The following GDPD1 variants were observed in gnomAD, a reference collection of about 807,000 sequenced individuals.
GDPD1 encodes glycerophosphodiester phosphodiesterase domain containing 1, also known as lysophospholipase D GDPD1.
GDPD1 carries 28 observed loss-of-function variants against 45.1 expected under a neutral mutation model. The ratio of observed to expected loss-of-function variants is 0.62; its 90% CI spans 0.46 to 0.85. The LOEUF is 0.85. Ranked by LOEUF, GDPD1 falls within the 40% of genes least tolerant of loss-of-function variation. The pLI, the probability that GDPD1 is intolerant of heterozygous loss-of-function variation, is 0.00. For missense variants in GDPD1, 256 were observed against 364.8 expected, an observed-to-expected ratio of 0.70 and a Z score of 2.43; for synonymous variants, 139 against 131.4, an observed-to-expected ratio of 1.06 and a Z score of -0.40.
chr17:59,234,403 G>T, intron 1 of GDPD1, 89 bp from the exon 2 acceptor site: 2 of 778,746 alleles, frequency 2.6e-6, no homozygotes, highest in South Asian at 1.7e-5. Flanking sequence ...AAAAAAAAAG[G>T]TCAAGATTCA....
At chr17:59,257,048 T>C in intron 4 of GDPD1, 74 bp from the exon 5 acceptor site, 1 of 708,980 alleles carries the variant, frequency 1.4e-6, no homozygotes, top group Middle Eastern at 2.9e-4. Flanking sequence ...AATGAATATA[T>C]ACAATACCTT....
chr17:59,267,067 T>G lies in GDPD1; in HGVS notation c.603T>G (p.Ser201Arg), dbSNP rs769747749. ...KENSDIPILF[S>R]LQRVLLILGL... ...ATTCAGATATTCCTATACTCTTCAG[T>G]CTACAACGTGTCCTGCTCATTCTTG... Residue 201 changes from serine to arginine, a missense_variant, in exon 7 of 10, where the codon AGT becomes AGG. Coordinates refer to ENST00000284116, the MANE Select transcript of GDPD1 (RefSeq NM_182569.4). 1.2e-6 allele frequency: 2 copies of G among 1,612,920 alleles called. No individual in the cohort carries two copies. Among genetic ancestry groups the G allele is most frequent in the South Asian group, 1.1e-5 (1 of 91,052 alleles).
chr17:59,264,808 AAGG>A (rs1427352535), intron 6 of GDPD1, among the ~76,000 whole-genome samples: 5 of 152,114 alleles, frequency 3.3e-5, no homozygotes, highest in African/African-American at 7.2e-5. Flanking sequence ...TAAAAAAATA[AAGG>A]AGTAGATAAT....
intron 1 of GDPD1, among the ~76,000 whole-genome samples, chr17:59,224,519 G>A (rs1442649724): frequency 2.0e-5 from 3 of 151,826 alleles, no homozygotes; most frequent in African/African-American, 7.3e-5. Flanking sequence ...CAGCTACTCA[G>A]GAGGCTGAGG....
intron 6 of GDPD1, among the ~76,000 whole-genome samples, chr17:59,260,454 A>G (rs2066457875): frequency 1.3e-5 from 2 of 152,210 alleles, no homozygotes; most frequent in South Asian, 4.1e-4. Context: ...AGGCAGGAGA[A>G]TGGCTTGAAC....
intron 6 of GDPD1, chr17:59,260,626 A>C (rs991654810): frequency 1.3e-5 from 2 of 152,194 alleles, no homozygotes; most frequent in African/African-American, 4.8e-5. Context: ...ATCATCAGGT[A>C]AGAGAATTTG....
At position 59,239,762 on chromosome 17, in the gene GDPD1, G is replaced by GT. The variant is rs57499633; in HGVS notation, c.185+5242dup. ...AAAGATTTCTGAGGTAATATGTATA[G>GT]TTTTTTTTTTTTTTAATTGCCAGCA... On this transcript the variant is annotated intron_variant, in intron 2 of 9. Coordinates refer to ENST00000284116, the MANE Select transcript of GDPD1 (RefSeq NM_182569.4). Among the ~76,000 whole-genome samples the GT allele has an allele frequency of 7.2e-3, 1,027 of 142,712 alleles. 6 individuals carry two copies. Among genetic ancestry groups the GT allele is most frequent in the African/African-American group, 0.022 (857 of 39,402 alleles). The allele number at this position is 142,712 out of a possible 152,430, so 93.6% of individuals were successfully genotyped here.
chr17:59,220,563 G>C lies in GDPD1; in HGVS notation c.-47G>C. 6.3e-7 allele frequency: 1 copy of C among 1,590,728 alleles called. No homozygotes were observed. The highest frequency in any genetic ancestry group is 8.6e-7 in the Non-Finnish European group (1 of 1,167,356). ...CGCCGTCGTTGCTACTGCCGCAGCGGAGTTCAGAGGGCCCGGAGGTGGGAG... is the reference window on the plus strand; with the variant it reads ...CGCCGTCGTTGCTACTGCCGCAGCGCAGTTCAGAGGGCCCGGAGGTGGGAG... On this transcript the variant is annotated 5_prime_UTR_variant, in exon 1 of 10. Transcript: ENST00000284116.
At chr17:59,265,099 C>T (rs1474971405) in intron 6 of GDPD1, among the ~76,000 whole-genome samples, 1 of 152,098 alleles carries the variant, frequency 6.6e-6, no homozygotes, top group Non-Finnish European at 1.5e-5. Context: ...CCTTGGCCTC[C>T]CAAAGTGCTG....
intron 4 of GDPD1, among the ~76,000 whole-genome samples, chr17:59,255,784 T>TATATATATATATATATATATATATATAC (rs1215280964): frequency 1.7e-5 from 1 of 58,154 alleles, no homozygotes; most frequent in Non-Finnish European, 2.8e-5. Flanking sequence ...TATATATATA[T>TATATATATATATATATATATATATATAC]ACGCGTATAT....
At chr17:59,258,346 C>A (rs1658852379) in intron 6 of GDPD1, among the ~76,000 whole-genome samples, 1 of 151,994 alleles carries the variant, frequency 6.6e-6, no homozygotes, top group Non-Finnish European at 1.5e-5. Flanking sequence ...GAGTTCGAGA[C>A]CAACCTGGCC....
chr17:59,267,259 T>A, intron 7 of GDPD1, 85 bp downstream of exon 7: 1 of 1,221,414 alleles, frequency 8.2e-7, no homozygotes, highest in South Asian at 1.3e-5. Flanking sequence ...ATATCAATGA[T>A]GAAGAAGAGA....
intron 8 of GDPD1, among the ~76,000 whole-genome samples, chr17:59,271,795 G>A (rs2047446512): frequency 6.6e-6 from 1 of 151,716 alleles, no homozygotes; most frequent in East Asian, 1.9e-4. Context: ...CACCATGCCT[G>A]GTTAGTTTTT....
intron 2 of GDPD1, among the ~76,000 whole-genome samples, chr17:59,242,746 A>C (rs1456077813): frequency 1.3e-5 from 2 of 152,134 alleles, no homozygotes. Context: ...AGCTCTCAGC[A>C]AAAAAAGAAG....
At chr17:59,253,918 G>A (rs1472295338) in intron 4 of GDPD1, among the ~76,000 whole-genome samples, 1 of 152,046 alleles carries the variant, frequency 6.6e-6, no homozygotes, top group Non-Finnish European at 1.5e-5. Flanking sequence ...GTTTCCAAAG[G>A]AAGGAAGAAT....
intron 1 of GDPD1, among the ~76,000 whole-genome samples, chr17:59,222,452 C>T (rs1272865921): frequency 6.7e-6 from 1 of 148,614 alleles, no homozygotes; most frequent in Non-Finnish European, 1.5e-5. Context: ...GTGATCCGCC[C>T]ATCTCGGCCT....
rs555507236 is a variant in GDPD1 at position 59,275,161 on chromosome 17, G to C, written c.*1388G>C. 2.6e-6 allele frequency: 4 copies of C among 1,537,064 alleles called. No homozygotes were observed. The highest frequency in any genetic ancestry group is 2.4e-5 in the South Asian group (2 of 84,058). ...CCGGCCAGTAAAAGAAATTTTGAAG[G>C]CCATTGCAGCTATTTGGTAGTGTCT... On this transcript the variant is annotated 3_prime_UTR_variant, in exon 10 of 10. Transcript: ENST00000284116.
Position 59,220,666 on chromosome 17 carries a change from C to A in GDPD1, c.57C>A (p.Thr19=). The A allele has an allele frequency of 6.2e-7, 1 of 1,614,182 alleles. No individual in the cohort carries two copies. Among genetic ancestry groups the A allele is most frequent in the South Asian group, 1.1e-5 (1 of 91,080 alleles). The change falls in exon 1 of 10, where the codon ACC becomes ACA. Residue 19 remains threonine (T), a synonymous_variant. Transcript: ENST00000284116. ...LLSTLGGYLV[T]SFLLLKYPTL... ...CTACGCTAGGAGGATACTTGGTGAC[C>A]TCATTCTTGTTGCTTAAATACCCGA... is the stretch of plus-strand genomic sequence containing the variant.
In GDPD1 at chr17:59,274,237, G is replaced by T. The variant is rs889274111; in HGVS notation, c.*464G>T. 24 of 903,292 alleles carry T rather than the reference G, an allele frequency of 2.7e-5. No individual in the cohort carries two copies. Among genetic ancestry groups the T allele is most frequent in the Non-Finnish European group, 6.6e-6 (5 of 755,238 alleles). The allele number at this position is 903,292 out of a possible 1,614,324, so 56.0% of individuals were successfully genotyped here. ...TTGGATACATTTGGCATTGGGCTGA[G>T]TGTGGTGGCTCATGCCTGTAATCCC... On this transcript the variant is annotated 3_prime_UTR_variant, in exon 10 of 10. Transcript: ENST00000284116.
Sources: allele counts gnomAD v4.1 joint callset (sites outside exome capture counted in the v4.1 genomes callset), GRCh38; gene constraint gnomAD v4.1.1; transcripts MANE v1.5; gene names NCBI Gene and HGNC (gene_info 2026-07-23, HGNC 2026-07-21).